The following RNF214 variants were observed in gnomAD, a reference collection of about 807,000 sequenced individuals.
The protein encoded by RNF214 is ring finger protein 214.
In RNF214, 25 loss-of-function variants were observed where a neutral mutation model predicts 75.9. That is an observed-to-expected ratio of 0.33 (90% CI 0.24 to 0.46). RNF214 has a LOEUF of 0.46. RNF214 is among the 20% of genes least tolerant of loss of function. The pLI is 1.00. For missense variants in RNF214, 725 were observed against 857.5 expected, an observed-to-expected ratio of 0.85 and a Z score of 1.93; for synonymous variants, 314 against 308.8, an observed-to-expected ratio of 1.02 and a Z score of -0.18.
At chr11:117,258,229 C>G (rs939201089) in intron 6 of RNF214, among the ~76,000 whole-genome samples, 10 of 152,006 alleles carry the variant, frequency 6.6e-5, no homozygotes, top group Non-Finnish European at 1.5e-4. Flanking sequence ...CCACCACACC[C>G]AGCTGATTTT....
intron 6 of RNF214, among the ~76,000 whole-genome samples, chr11:117,270,327 G>A (rs1383636529): frequency 2.1e-5 from 3 of 142,522 alleles, no homozygotes; most frequent in African/African-American, 8.0e-5. Context: ...GCACGATCAC[G>A]GCTGACTGCA....
chr11:117,247,328 A>AAAAAT (rs1824259951), intron 6 of RNF214, among the ~76,000 whole-genome samples: 1 of 151,942 alleles, frequency 6.6e-6, no homozygotes, highest in African/African-American at 2.4e-5. Context: ...CCTCTCTACA[A>AAAAAT]AAAATATTAA....
At chr11:117,239,758 A>G in intron 3 of RNF214, 43 bp from the exon 4 acceptor site, 1 of 1,076,914 alleles carries the variant, frequency 9.3e-7, no homozygotes, top group Non-Finnish European at 1.4e-6. Flanking sequence ...CCTCTTTTAA[A>G]GTGTCTCTGA....
chr11:117,258,405 G>T (rs534236943), intron 6 of RNF214, among the ~76,000 whole-genome samples: 22 of 151,894 alleles, frequency 1.4e-4, no homozygotes, highest in South Asian at 1.2e-3. Flanking sequence ...CACCACACGA[G>T]GTCTTATTTT....
intron 6 of RNF214, among the ~76,000 whole-genome samples, chr11:117,254,309 C>T (rs2033469792): frequency 6.6e-6 from 1 of 151,922 alleles, no homozygotes; most frequent in Admixed American, 6.6e-5. Flanking sequence ...AGGTAGTTCA[C>T]ACATGTAATC....
At chr11:117,238,175 G>A (rs1024241054) in intron 2 of RNF214, among the ~76,000 whole-genome samples, 1 of 152,168 alleles carries the variant, frequency 6.6e-6, no homozygotes, top group Non-Finnish European at 1.5e-5. Context: ...GGGAGGCTGA[G>A]GCAGGCAGAT....
chr11:117,234,114 C>G lies in RNF214; in HGVS notation c.-6-153C>G, dbSNP rs555987527. ...CACTAGGACTTTGCATACAATGTCT[C>G]TTTTAGTACTCTTAAGTATTTTCTC... On this transcript the variant is annotated intron_variant, in intron 1 of 14. Coordinates refer to ENST00000300650, the MANE Select transcript of RNF214 (RefSeq NM_207343.4). 5 of 620,078 alleles carry G rather than the reference C, an allele frequency of 8.1e-6. No homozygotes were observed. The South Asian group carries it at 8.1e-5, about 10-fold the overall frequency. 38.4% of individuals were successfully genotyped at this position (620,078 alleles called of 1,614,324 possible).
intron 14 of RNF214, among the ~76,000 whole-genome samples, chr11:117,283,819 A>ATT (rs1023246280): frequency 6.8e-6 from 1 of 147,326 alleles, no homozygotes; most frequent in African/African-American, 2.5e-5. Context: ...TGCCCAGCTA[A>ATT]TTTTTTTTTT....
chr11:117,255,605 A>G lies in RNF214; in HGVS notation c.959+8657A>G, dbSNP rs185170730. 5.2e-3 allele frequency among the ~76,000 whole-genome samples: 789 copies of G among 151,916 alleles called. 5 individuals are homozygous for G. Among genetic ancestry groups the G allele is most frequent in the Admixed American group, 7.7e-3 (117 of 15,234 alleles). On this transcript the variant is annotated intron_variant, in intron 6 of 14. Transcript: ENST00000300650. ...TGGGCTCAAGTGATCCTCCCACCTC[A>G]GCCTCCCAAAGTGCTGGGATTATAG...
At chr11:117,281,801 C>T in intron 10 of RNF214, 93 bp from the exon 11 acceptor site, 1 of 1,516,970 alleles carries the variant, frequency 6.6e-7, no homozygotes, top group Non-Finnish European at 9.1e-7. Flanking sequence ...CATCCCTATT[C>T]AGTGCAAGAG....
chr11:117,285,027 C>G, intron 14 of RNF214, 59 bp from the exon 15 acceptor site: 2 of 1,254,262 alleles, frequency 1.6e-6, no homozygotes, highest in Non-Finnish European at 2.3e-6. Flanking sequence ...TTGGCATTCT[C>G]TCCTTCCTTC....
At chr11:117,240,202 A>C (rs1360686742) in intron 4 of RNF214, among the ~76,000 whole-genome samples, 1 of 151,404 alleles carries the variant, frequency 6.6e-6, no homozygotes, top group Non-Finnish European at 1.5e-5. Context: ...AAAATACAAA[A>C]ATTAGCCAGG....
At position 117,282,256 on chromosome 11, in the gene RNF214, C is replaced by G; in HGVS notation, c.1698C>G (p.Phe566Leu). 6.3e-7 allele frequency: 1 copy of G among 1,594,906 alleles called. No homozygotes were observed. The highest frequency in any genetic ancestry group is 2.2e-5 in the East Asian group (1 of 44,686). ...EKILEKLLTR[F>L]PQCNKAQMTN... The stretch of plus-strand genomic sequence containing the variant: ...TCCTGGAGAAGCTGCTGACCCGGTT[C>G]CCACAGTGCAATAAGTAAGTACCTT... Residue 566 changes from phenylalanine (F) to leucine (L), a missense_variant, in exon 11 of 15, where the codon TTC becomes TTG. Transcript: ENST00000300650.
In RNF214 at chr11:117,234,204, G is replaced by GA. The variant is rs1328662503; in HGVS notation, c.-6-62dup. The GA allele has an allele frequency of 6.0e-6, 7 of 1,173,502 alleles. No individual in the cohort carries two copies. In the East Asian group the frequency reaches 1.6e-4, roughly 27 times the overall value. The allele number at this position is 1,173,502 out of a possible 1,614,324, so 72.7% of individuals were successfully genotyped here. A position where few individuals can be genotyped will look rare whatever the true frequency, so the allele number is the denominator to read the frequency against. ...CTGTTGTGTGGACATTCTGAGGGGG[G>GA]AGAGATACATTTGTTTTAAACTTTG... On this transcript the variant is annotated intron_variant, in intron 1 of 14. Transcript: ENST00000300650.
Position 117,248,005 on chromosome 11 carries a change from G to A in RNF214, c.959+1057G>A, listed in dbSNP as rs1479210167. Among the ~76,000 whole-genome samples, 4 of 152,298 alleles carry A rather than the reference G, an allele frequency of 2.6e-5. No individual in the cohort carries two copies. The East Asian group carries it at 7.7e-4, about 29-fold the overall frequency. On this transcript the variant is annotated intron_variant, in intron 6 of 14. Transcript: ENST00000300650. Reference sequence around the variant, plus strand: ...TGAAAGAATTATTTAGAGGATTTGTGTCCTTTTCTGGGTACTGCAGAAAAA... The same window carrying A: ...TGAAAGAATTATTTAGAGGATTTGTATCCTTTTCTGGGTACTGCAGAAAAA...
intron 7 of RNF214, 74 bp from the exon 8 acceptor site, chr11:117,280,097 T>TTGTTTTCAC: frequency 6.7e-7 from 1 of 1,489,466 alleles, no homozygotes; most frequent in Non-Finnish European, 9.3e-7. Flanking sequence ...CAGTAAGCAT[T>TTGTTTTCAC]TGTTTTCACT....
At chr11:117,260,049 A>C (rs1476717373) in intron 6 of RNF214, among the ~76,000 whole-genome samples, 1 of 148,938 alleles carries the variant, frequency 6.7e-6, no homozygotes, top group African/African-American at 2.5e-5. Context: ...TTTTATATTC[A>C]TGTCTCTGAT....
At chr11:117,271,714 A>T (rs554115111) in intron 6 of RNF214, among the ~76,000 whole-genome samples, 2 of 152,336 alleles carry the variant, frequency 1.3e-5, no homozygotes, top group East Asian at 3.9e-4. Flanking sequence ...ATAGTGTACT[A>T]GGAGTTGATC....
chr11:117,246,277 A>AT (rs2033223051), intron 5 of RNF214, among the ~76,000 whole-genome samples: 1 of 149,518 alleles, frequency 6.7e-6, no homozygotes. Flanking sequence ...TTGACTTCTT[A>AT]TTTAAAAAAA....
Sources: allele counts gnomAD v4.1 joint callset (sites outside exome capture counted in the v4.1 genomes callset), GRCh38; gene constraint gnomAD v4.1.1; transcripts MANE v1.5; gene names NCBI Gene and HGNC (gene_info 2026-07-23, HGNC 2026-07-21).